The following MACROD2 variants were observed in gnomAD, a reference collection of about 807,000 sequenced individuals.
MACROD2 encodes the protein mono-ADP ribosylhydrolase 2.
A neutral mutation model predicts 70.4 loss-of-function variants in MACROD2; 36 were observed. That is an observed-to-expected ratio of 0.51 (90% confidence interval 0.39 to 0.68). MACROD2 has a LOEUF of 0.68. MACROD2 is among the 30% of genes least tolerant of loss of function. The pLI, the probability that MACROD2 is intolerant of heterozygous loss-of-function variation, is 0.00. For synonymous variants in MACROD2, 172 were observed against 178.8 expected (o/e 0.96, Z 0.30); for missense variants, 496 against 538.4 (o/e 0.92, Z 0.78).
At chr20:15,419,658 A>G (rs1368735381) in intron 6 of MACROD2, among the ~76,000 whole-genome samples, 1 of 152,042 alleles carries the variant, frequency 6.6e-6, no homozygotes, top group East Asian at 1.9e-4. Context: ...TGGGTAATTT[A>G]CTTCTCAGGG....
Position 15,970,614 on chromosome 20 carries a change from C to T in MACROD2, c.985+2984C>T, listed in dbSNP as rs143472098. Reference sequence around the variant, plus strand: ...CAGGGAGAGCCCAGCAAACTCTCCACGTTGAGGAGACAGAGGTGAGAGTCC... The same window carrying T: ...CAGGGAGAGCCCAGCAAACTCTCCATGTTGAGGAGACAGAGGTGAGAGTCC... On this transcript the variant is annotated intron_variant, in intron 13 of 17. Coordinates refer to ENST00000684519, the MANE Select transcript of MACROD2 (RefSeq NM_001351661.2). 3.5e-3 allele frequency among the ~76,000 whole-genome samples: 529 copies of T among 152,146 alleles called. 1 individual carries two copies. The highest frequency in any genetic ancestry group is 0.012 in the African/African-American group (505 of 41,522).
At chr20:15,909,625 A>G (rs1055948430) in intron 10 of MACROD2, among the ~76,000 whole-genome samples, 2 of 137,432 alleles carry the variant, frequency 1.5e-5, no homozygotes, top group African/African-American at 2.7e-5. Context: ...CCGGGTTCAC[A>G]CCATTCTCCT....
At chr20:14,815,492 G>GGT (rs146543584) in intron 5 of MACROD2, among the ~76,000 whole-genome samples, 7 of 150,988 alleles carry the variant, frequency 4.6e-5, no homozygotes, top group South Asian at 2.1e-4. Context: ...ATTATGTGTG[G>GGT]GTGTGTGTGT....
At chr20:14,805,360 G>C (rs16995011) in intron 5 of MACROD2, among the ~76,000 whole-genome samples, 1,756 of 152,094 alleles carry the variant, frequency 0.012, 51 homozygotes, top group African/African-American at 0.04. Flanking sequence ...TGATTTGGCT[G>C]TTATCCTTTT....
chr20:14,602,612 G>A (rs1242871989), intron 4 of MACROD2, among the ~76,000 whole-genome samples: 7 of 152,154 alleles, frequency 4.6e-5, no homozygotes, highest in African/African-American at 7.2e-5. Context: ...AGGCTAATTC[G>A]TGTTTGTAAA....
intron 5 of MACROD2, among the ~76,000 whole-genome samples, chr20:14,954,363 G>A (rs2074500573): frequency 6.6e-6 from 1 of 150,994 alleles, no homozygotes; most frequent in African/African-American, 2.4e-5. Context: ...ACTAATTGTA[G>A]TAAAATGGGA....
chr20:14,874,945 T>C (rs1387302918), intron 5 of MACROD2, among the ~76,000 whole-genome samples: 1 of 151,860 alleles, frequency 6.6e-6, no homozygotes, highest in Non-Finnish European at 1.5e-5. Context: ...CCTCATATGA[T>C]CTGCCTGCCT....
At chr20:14,140,752 G>C (rs1403446510) in intron 3 of MACROD2, among the ~76,000 whole-genome samples, 3 of 152,048 alleles carry the variant, frequency 2.0e-5, no homozygotes, top group African/African-American at 4.8e-5. Context: ...TCAAGCCTGG[G>C]CATACTAAGG....
chr20:15,042,691 A>G (rs561426456), intron 5 of MACROD2, among the ~76,000 whole-genome samples: 3 of 146,738 alleles, frequency 2.0e-5, no homozygotes, highest in Admixed American at 1.3e-4. Context: ...CTGAAATTCC[A>G]TCAGCAGAAG....
chr20:15,474,753 T>C (rs548011300), intron 7 of MACROD2, among the ~76,000 whole-genome samples: 2 of 152,192 alleles, frequency 1.3e-5, no homozygotes, highest in East Asian at 3.9e-4. Flanking sequence ...TTCTTAGGGG[T>C]CAGAGTGGGG....
intron 3 of MACROD2, among the ~76,000 whole-genome samples, chr20:14,252,111 CTG>C (rs1405891097): frequency 6.6e-6 from 1 of 152,006 alleles, no homozygotes; most frequent in Non-Finnish European, 1.5e-5. Flanking sequence ...CGGAGGGTAA[CTG>C]TTTCTATAAA....
chr20:15,372,087 T>G (rs918246622), intron 6 of MACROD2, among the ~76,000 whole-genome samples: 2 of 152,266 alleles, frequency 1.3e-5, no homozygotes, highest in Admixed American at 1.3e-4. Context: ...GATGCAGTTC[T>G]ATATTATGAA....
At chr20:14,552,166 T>A (rs1978696813) in intron 4 of MACROD2, among the ~76,000 whole-genome samples, 1 of 151,344 alleles carries the variant, frequency 6.6e-6, no homozygotes, top group Admixed American at 6.6e-5. Context: ...CTTTATTTCA[T>A]GTGACCTTGG....
chr20:15,978,612 C>G (rs2066348439), intron 13 of MACROD2, among the ~76,000 whole-genome samples: 1 of 144,334 alleles, frequency 6.9e-6, no homozygotes, highest in Non-Finnish European at 1.6e-5. Context: ...CTCTCTCTCT[C>G]TCTCGTTCTT....
intron 8 of MACROD2, among the ~76,000 whole-genome samples, chr20:15,760,902 A>T (rs1357299840): frequency 6.6e-6 from 1 of 152,204 alleles, no homozygotes; most frequent in Non-Finnish European, 1.5e-5. Context: ...GAAGGAGAAA[A>T]AACAAAAAGG....
At chr20:14,659,154 A>T (rs770934883) in intron 4 of MACROD2, among the ~76,000 whole-genome samples, 1 of 152,142 alleles carries the variant, frequency 6.6e-6, no homozygotes, top group African/African-American at 2.4e-5. Flanking sequence ...AGCCTTTTTC[A>T]TGAGAGAATG....
chr20:14,423,699 CAA>C (rs1228934904), intron 3 of MACROD2, among the ~76,000 whole-genome samples: 37 of 51,336 alleles, frequency 7.2e-4, no homozygotes, highest in African/African-American at 1.9e-3. Context: ...GACTCTGTCT[CAA>C]AAAAAAAAAA....
intron 5 of MACROD2, among the ~76,000 whole-genome samples, chr20:14,769,624 G>T (rs550899990): frequency 1.5e-3 from 227 of 152,124 alleles, no homozygotes; most frequent in Non-Finnish European, 2.1e-3. Flanking sequence ...ATGATTCAGG[G>T]TTCTAGATGA....
At chr20:15,312,419 G>A (rs2077762805) in intron 6 of MACROD2, among the ~76,000 whole-genome samples, 2 of 152,178 alleles carry the variant, frequency 1.3e-5, no homozygotes, top group Non-Finnish European at 2.9e-5. Flanking sequence ...AGTGTTTTAA[G>A]GGCTTGGGGA....
Sources: allele counts gnomAD v4.1 joint callset (sites outside exome capture counted in the v4.1 genomes callset), GRCh38; gene constraint gnomAD v4.1.1; transcripts MANE v1.5; gene names NCBI Gene and HGNC (gene_info 2026-07-23, HGNC 2026-07-21).